CRY1: variants seen among roughly 807,000 people sequenced by gnomAD.
The protein encoded by CRY1 is cryptochrome-1.
A neutral mutation model predicts 76.0 loss-of-function variants in CRY1; 45 were observed. The ratio of observed to expected loss-of-function variants is 0.59; its 90% confidence interval spans 0.47 to 0.76. The LOEUF is 0.76. Among genes scored for constraint, CRY1 ranks in the 30% least tolerant of loss-of-function variants. CRY1 has a pLI of 0.00. For missense variants in CRY1, 587 were observed against 716.4 expected, an observed-to-expected ratio of 0.82 and a Z score of 2.06; for synonymous variants, 248 against 244.0, an observed-to-expected ratio of 1.02 and a Z score of -0.15.
At chr12:107,003,019 G>A (rs10778522) in intron 3 of CRY1, among the ~76,000 whole-genome samples, 74,241 of 151,816 alleles carry the variant, frequency 0.49, 19,455 homozygotes, top group East Asian at 0.72. Flanking sequence ...TATCAGCATC[G>A]TGAAAACAGA....
At chr12:107,051,771 T>C (rs1952924430) in intron 1 of CRY1, among the ~76,000 whole-genome samples, 1 of 152,130 alleles carries the variant, frequency 6.6e-6, no homozygotes. Flanking sequence ...TATGCCACCA[T>C]GATTTCAAAA....
chr12:107,008,260 C>T (rs1384356130), intron 2 of CRY1, among the ~76,000 whole-genome samples: 2 of 152,202 alleles, frequency 1.3e-5, no homozygotes. Context: ...AATTAGTGAA[C>T]ATCTCTCCAA....
rs545840437 is a variant in CRY1, at chr12:107,057,088, A to C, written c.159-34896T>G. ...TATCATGTAACAATAAAAAAAAGAAAAAATTAAGAGAAAATGAAGTCACTG... is the reference window on the plus strand; with the variant it reads ...TATCATGTAACAATAAAAAAAAGAACAAATTAAGAGAAAATGAAGTCACTG... On this transcript the variant is annotated intron_variant, in intron 1 of 12. Coordinates refer to ENST00000008527, the MANE Select transcript of CRY1 (RefSeq NM_004075.5). Among the ~76,000 whole-genome samples the C allele has an allele frequency of 1.8e-4, 28 of 152,256 alleles. No homozygotes were observed. In the East Asian group the frequency reaches 3.1e-3, roughly 17 times the overall value.
At position 107,069,596 on chromosome 12, in the gene CRY1, TATAAAGTATATATATAA is replaced by T. The variant is rs1179374395; in HGVS notation, c.158+23191_158+23207del. ...AAAGTATATATATAAAGTATATATA[TATAAAGTATATATATAA>T]AAAGTATATATATATAAAGTATATA... On this transcript the variant is annotated intron_variant, in intron 1 of 12. Coordinates refer to ENST00000008527, the MANE Select transcript of CRY1 (RefSeq NM_004075.5). Among the ~76,000 whole-genome samples the T allele has an allele frequency of 2.7e-4, 11 of 41,166 alleles. No homozygotes were observed. The East Asian group carries it at 0.014, about 53-fold the overall frequency. 27.0% of individuals were successfully genotyped at this position (41,166 alleles called of 152,430 possible).
intron 2 of CRY1, among the ~76,000 whole-genome samples, chr12:107,014,525 T>G (rs539775580): frequency 6.6e-6 from 1 of 152,182 alleles, no homozygotes; most frequent in Non-Finnish European, 1.5e-5. Flanking sequence ...TAATGCATAC[T>G]GATTTTCTTT....
chr12:107,051,067 T>C (rs559206683), intron 1 of CRY1, among the ~76,000 whole-genome samples: 62 of 152,298 alleles, frequency 4.1e-4, no homozygotes, highest in Admixed American at 6.5e-4. Context: ...GGAGAAACAG[T>C]TTAAAAATTT....
chr12:107,024,326 T>C (rs1475222859), intron 1 of CRY1, among the ~76,000 whole-genome samples: 2 of 151,652 alleles, frequency 1.3e-5, no homozygotes, highest in African/African-American at 2.4e-5. Flanking sequence ...ATTCATAAAA[T>C]GAAGAATTAA....
intron 8 of CRY1, 22 bp from the exon 9 acceptor site, chr12:106,997,712 T>C (rs1400161062): frequency 1.2e-6 from 2 of 1,611,894 alleles, no homozygotes; most frequent in Non-Finnish European, 1.7e-6. Flanking sequence ...AAAAGAAAGA[T>C]TACTAATAAA....
intron 2 of CRY1, among the ~76,000 whole-genome samples, chr12:107,019,495 G>T (rs922397496): frequency 5.3e-5 from 8 of 152,110 alleles, no homozygotes; most frequent in African/African-American, 1.9e-4. Context: ...TGATAAGATA[G>T]GACATCATTT....
intron 1 of CRY1, among the ~76,000 whole-genome samples, chr12:107,026,157 A>ACATATATATGTTATATATGTTATATATGT (rs1160937379): frequency 0.29 from 16,799 of 58,542 alleles, 4,591 homozygotes; most frequent in East Asian, 0.77. Context: ...TATATATATA[A>ACATATATATGTTATATATGTTATATATGT]AATATATATA....
chr12:107,061,344 G>C (rs1341761050), intron 1 of CRY1, among the ~76,000 whole-genome samples: 2 of 151,414 alleles, frequency 1.3e-5, no homozygotes, highest in African/African-American at 4.9e-5. Context: ...CTTCAATTCA[G>C]GAAATAGTAA....
chr12:107,066,340 C>T (rs745567464), intron 1 of CRY1, among the ~76,000 whole-genome samples: 41 of 152,110 alleles, frequency 2.7e-4, no homozygotes, highest in Non-Finnish European at 4.7e-4. Flanking sequence ...ATAATATGAT[C>T]CCATCTTCAT....
rs752019563 is a variant in CRY1 at position 107,092,893 on chromosome 12, C to T, written c.69G>A (p.Glu23=). 2 of 1,609,882 alleles carry T rather than the reference C, an allele frequency of 1.2e-6. No homozygotes were observed. Among genetic ancestry groups the T allele is most frequent in the East Asian group, 2.2e-5 (1 of 44,810 alleles). Residue 23 remains glutamate (E), a synonymous_variant, in exon 1 of 13, where the codon GAG becomes GAA. Coordinates refer to ENST00000008527, the MANE Select transcript of CRY1 (RefSeq NM_004075.5). ...LRLHDNPALK[E]CIQGADTIRC... ...GGATGGTGTCGGCGCCCTGAATGCA[C>T]TCCTTCAGGGCGGGGTTGTCGTGGA...
chr12:106,992,944 G>A (rs751220261), intron 11 of CRY1, 21 bp downstream of exon 11: 2 of 1,613,830 alleles, frequency 1.2e-6, no homozygotes, highest in South Asian at 2.2e-5. Context: ...AGAACAGTAT[G>A]CTCCAATGCT....
intron 2 of CRY1, among the ~76,000 whole-genome samples, chr12:107,017,200 A>C (rs551756455): frequency 1.3e-5 from 2 of 152,374 alleles, no homozygotes; most frequent in East Asian, 3.9e-4. Flanking sequence ...AAGCCCTATG[A>C]TCTGGCTTCC....
chr12:107,033,345 A>ATT (rs1321886114), intron 1 of CRY1, among the ~76,000 whole-genome samples: 3 of 152,316 alleles, frequency 2.0e-5, no homozygotes, highest in South Asian at 4.1e-4. Context: ...AGATAATTCT[A>ATT]TTTTTACAAA....
intron 2 of CRY1, among the ~76,000 whole-genome samples, chr12:107,007,530 C>CTTTT (rs869308756): frequency 7.1e-6 from 1 of 140,338 alleles, no homozygotes; most frequent in Non-Finnish European, 1.6e-5. Flanking sequence ...TCTTTTTCTT[C>CTTTT]TTTTTTTTTT....
intron 1 of CRY1, among the ~76,000 whole-genome samples, chr12:107,063,653 A>G (rs190205414): frequency 3.9e-4 from 60 of 152,186 alleles, no homozygotes; most frequent in African/African-American, 1.4e-3. Flanking sequence ...GCTGGAGTGC[A>G]GTGGTGCGAT....
intron 1 of CRY1, among the ~76,000 whole-genome samples, chr12:107,069,617 G>GTATATATATAAAGTA (rs1953158851): frequency 1.3e-5 from 1 of 74,618 alleles, no homozygotes; most frequent in African/African-American, 7.1e-5. Context: ...TATATAAAAA[G>GTATATATATAAAGTA]TATATATATA....
Sources: gnomAD v4.1 joint callset for allele counts (sites outside exome capture counted in the v4.1 genomes callset) on GRCh38, gnomAD v4.1.1 for gene constraint, MANE v1.5 for transcripts, NCBI Gene and HGNC (gene_info 2026-07-23, HGNC 2026-07-21) for gene names.